Variants in SOX30 observed in about 807,000 individuals in gnomAD.
The protein encoded by SOX30 is transcription factor SOX-30.
Under a neutral mutation model 58.6 loss-of-function variants are expected in SOX30, and 17 were observed. The ratio of observed to expected loss-of-function variants is 0.29; its 90% CI spans 0.20 to 0.44. The LOEUF (loss-of-function observed/expected upper bound fraction) is 0.44. Ranked by LOEUF, SOX30 falls within the 20% of genes least tolerant of loss-of-function variation. The probability of loss-of-function intolerance (pLI) is 1.00; values close to 1 mark genes in which losing one functional copy is unlikely to be tolerated. For missense variants in SOX30, 951 were observed against 965.8 expected, an observed-to-expected ratio of 0.98 and a Z score of 0.20; for synonymous variants, 421 against 400.2, an observed-to-expected ratio of 1.05 and a Z score of -0.62.
intron 3 of SOX30, among the ~76,000 whole-genome samples, chr5:157,640,926 T>C (rs1013971204): frequency 6.6e-6 from 1 of 152,166 alleles, no homozygotes; most frequent in Non-Finnish European, 1.5e-5. Flanking sequence ...TGCACTCCCT[T>C]GGAGAGCCAG....
At chr5:157,664,289 A>C (rs747591694) in intron 2 of SOX30, among the ~76,000 whole-genome samples, 3 of 152,188 alleles carry the variant, frequency 2.0e-5, no homozygotes, top group Non-Finnish European at 4.4e-5. Flanking sequence ...AAATAATGCC[A>C]CACATCTACA....
chr5:157,640,541 C>T (rs1165507721), intron 3 of SOX30, among the ~76,000 whole-genome samples: 4 of 151,990 alleles, frequency 2.6e-5, no homozygotes, highest in East Asian at 3.9e-4. Flanking sequence ...CCCACTGACA[C>T]CATACCCATT....
rs1759383802 is a variant in SOX30, at chr5:157,652,426, G to A, written c.-348C>T. 9.7e-7 allele frequency: 1 copy of A among 1,032,024 alleles called. No homozygotes were observed. 63.9% of individuals were successfully genotyped at this position (1,032,024 alleles called of 1,614,324 possible). ...TCTTTAGTCATCCCTCCCCCACCCG[G>A]AGCTGCGACAATGGCGTTGCCCAGG... is the stretch of plus-strand genomic sequence containing the variant. On this transcript the variant is annotated 5_prime_UTR_variant, in exon 1 of 5. Transcript: ENST00000265007.
intron 4 of SOX30, among the ~76,000 whole-genome samples, chr5:157,633,063 C>CA (rs1417892500): frequency 1.3e-5 from 2 of 151,466 alleles, no homozygotes; most frequent in East Asian, 1.9e-4. Flanking sequence ...GCAAGACTCT[C>CA]AAAAAAACAA....
At chr5:157,664,829 C>G (rs1759640813) in intron 2 of SOX30, among the ~76,000 whole-genome samples, 1 of 152,070 alleles carries the variant, frequency 6.6e-6, no homozygotes, top group Admixed American at 6.6e-5. Context: ...GTTATGCAGC[C>G]AACAGACACA....
In SOX30 at chr5:157,652,182, G is replaced by C. The variant is rs138363740; in HGVS notation, c.-104C>G. On this transcript the variant is annotated 5_prime_UTR_variant, in exon 1 of 5. Coordinates refer to ENST00000265007, the MANE Select transcript of SOX30 (RefSeq NM_178424.2). ...AGCCTTGCAAGGCCTTTGCTACCCA[G>C]AACCCTACGCGGTTCAAAACGCAGC... 618 of 1,361,882 alleles carry C rather than the reference G, an allele frequency of 4.5e-4. 5 individuals carry two copies. In the African/African-American group the frequency reaches 8.7e-3, roughly 19 times the overall value. 84.4% of individuals were successfully genotyped at this position (1,361,882 alleles called of 1,614,324 possible).
intron 3 of SOX30, among the ~76,000 whole-genome samples, chr5:157,642,973 T>C (rs1759105016): frequency 6.6e-6 from 1 of 152,144 alleles, no homozygotes; most frequent in Non-Finnish European, 1.5e-5. Context: ...AGTAAATAGG[T>C]TAAAAATATT....
At position 157,626,599 on chromosome 5, in the gene SOX30, C is replaced by T; in HGVS notation, c.2003G>A (p.Arg668Lys). The change falls in exon 5 of 5, where the codon AGA becomes AAA. Residue 668 changes from arginine (R) to lysine (K), a missense_variant. By Grantham distance (26) the Arg-to-Lys change is conservative. Around this residue, in one of 7 missense-constraint regions of SOX30, gnomAD observed 381 missense variants for 390.0 expected, o/e 0.98. Coordinates refer to ENST00000265007, the MANE Select transcript of SOX30 (RefSeq NM_178424.2). ...KHEGIFSTLN[R>K]DYSFRDYSSE... Reference sequence around the variant, plus strand: ...TGAGTAGTCTCTAAAAGAATAGTCTCTATTTAAAGTTGAAAAGATACCCTC... The same window carrying T: ...TGAGTAGTCTCTAAAAGAATAGTCTTTATTTAAAGTTGAAAAGATACCCTC... The T allele has an allele frequency of 6.2e-7, 1 of 1,614,164 alleles. No homozygotes were observed. Among genetic ancestry groups the T allele is most frequent in the Non-Finnish European group, 8.5e-7 (1 of 1,180,040 alleles).
chr5:157,656,612 AC>A (rs2113854934), upstream of SOX30, among the ~76,000 whole-genome samples: 1 of 152,342 alleles, frequency 6.6e-6, no homozygotes, highest in East Asian at 1.9e-4. Flanking sequence ...CAGGGTTTTC[AC>A]CAAAAGTAAA....
At chr5:157,662,276 G>A (rs561456521) in intron 2 of SOX30, among the ~76,000 whole-genome samples, 1 of 151,990 alleles carries the variant, frequency 6.6e-6, no homozygotes, top group East Asian at 1.9e-4. Flanking sequence ...TAACAATTTT[G>A]TAGATCTTTT....
chr5:157,652,660 C>T (rs187183020), upstream of SOX30, among the ~76,000 whole-genome samples: 9 of 152,332 alleles, frequency 5.9e-5, no homozygotes, highest in East Asian at 1.9e-4. Context: ...GGAGGATCTT[C>T]GACTTTGTGT....
In SOX30 at chr5:157,652,094, C is replaced by T; in HGVS notation, c.-16G>A. On this transcript the variant is annotated 5_prime_UTR_variant, in exon 1 of 5. Coordinates refer to ENST00000265007, the MANE Select transcript of SOX30 (RefSeq NM_178424.2). ...CTCTCTCCATGGGGGAGGGGGACGC[C>T]CCGGCCAGGATTGTGAGCTCAGCCG... The T allele has an allele frequency of 2.9e-6, 4 of 1,396,516 alleles. No homozygotes were observed. Among genetic ancestry groups the T allele is most frequent in the Non-Finnish European group, 3.7e-6 (4 of 1,082,862 alleles). The allele number at this position is 1,396,516 out of a possible 1,614,324, so 86.5% of individuals were successfully genotyped here.
intron 2 of SOX30, among the ~76,000 whole-genome samples, chr5:157,663,340 A>G (rs1327550607): frequency 1.3e-5 from 2 of 152,232 alleles, no homozygotes; most frequent in African/African-American, 4.8e-5. Flanking sequence ...AAACAGAGCC[A>G]AAGACAAAAA....
chr5:157,657,768 G>A (rs986791662), intron 2 of SOX30, among the ~76,000 whole-genome samples: 72 of 152,204 alleles, frequency 4.7e-4, no homozygotes, highest in African/African-American at 1.7e-3. Context: ...CCAGAATGTG[G>A]AAACTATTTG....
intron 3 of SOX30, among the ~76,000 whole-genome samples, chr5:157,639,882 A>G (rs1646998053): frequency 6.6e-6 from 1 of 152,212 alleles, no homozygotes; most frequent in African/African-American, 2.4e-5. Flanking sequence ...TCTTTTCTCC[A>G]GATAAAGCAG....
chr5:157,642,326 A>G (rs1759084743), intron 3 of SOX30, among the ~76,000 whole-genome samples: 1 of 152,034 alleles, frequency 6.6e-6, no homozygotes, highest in African/African-American at 2.4e-5. Context: ...AAAAAAAAAA[A>G]AAAAGAAGAA....
rs1197167568 is a variant in SOX30 at position 157,651,969 on chromosome 5, G to A, written c.110C>T (p.Pro37Leu). The A allele has an allele frequency of 2.1e-6, 3 of 1,460,558 alleles. No individual in the cohort carries two copies. The African/African-American group carries it at 4.3e-5, about 21-fold the overall frequency. The allele number at this position is 1,460,558 out of a possible 1,614,324, so 90.5% of individuals were successfully genotyped here. ...TSFWAAAMEP[P>L]PSSPTLSAAA... ...CGCGCTCAGTGTGGGAGACGACGGA[G>A]GGGGCTCCATGGCTGCTGCCCAAAA... The change falls in exon 1 of 5, where the codon CCT (proline) becomes CTT (leucine). Residue 37 changes from proline (P) to leucine (L), a missense_variant. By Grantham distance (98) the Pro-to-Leu change is moderately conservative. Around this residue, in one of 7 missense-constraint regions of SOX30, gnomAD observed 363 missense variants for 294.5 expected, o/e 1.23. Transcript: ENST00000265007.
intron 4 of SOX30, among the ~76,000 whole-genome samples, chr5:157,629,820 A>G (rs1008867939): frequency 1.1e-4 from 16 of 152,232 alleles, no homozygotes; most frequent in African/African-American, 3.6e-4. Context: ...TCAAAGTGAT[A>G]TAATTAGTAA....
At chr5:157,639,753 C>T (rs951445390) in intron 3 of SOX30, among the ~76,000 whole-genome samples, 7 of 152,286 alleles carry the variant, frequency 4.6e-5, no homozygotes, top group African/African-American at 1.4e-4. Flanking sequence ...AATACAGTTT[C>T]GAATCCATTA....
Sources: allele counts gnomAD v4.1 joint callset (sites outside exome capture counted in the v4.1 genomes callset), GRCh38; gene constraint gnomAD v4.1.1; regional missense constraint gnomAD v4.1.1; transcripts MANE v1.5; gene names NCBI Gene and HGNC (gene_info 2026-07-23, HGNC 2026-07-21).